The following SPATA31H1 variants were observed in gnomAD, a reference collection of about 807,000 sequenced individuals.
SPATA31H1 encodes SPATA31 subfamily H member 1.
chr2:27,578,727 T>C, the SPATA31H1 span: 4 of 1,614,016 alleles, frequency 2.5e-6, no homozygotes, highest in Non-Finnish European at 3.4e-6. Flanking sequence ...GAAGTTAACA[T>C]CAGAAGAGTT....
chr2:27,555,697 C>T, the SPATA31H1 span, among the ~76,000 whole-genome samples: 7 of 151,910 alleles, frequency 4.6e-5, no homozygotes, highest in African/African-American at 7.3e-5. Context: ...AAAAAAATAT[C>T]TAGGTAGGCA....
At chr2:27,565,118 C>G in the SPATA31H1 span, among the ~76,000 whole-genome samples, 1 of 152,164 alleles carries the variant, frequency 6.6e-6, no homozygotes, top group East Asian at 1.9e-4. Context: ...GAATAATTCT[C>G]TTCCCTTCTC....
At chr2:27,571,740 C>A in the SPATA31H1 span, 1 of 398,322 alleles carries the variant, frequency 2.5e-6, no homozygotes, top group Non-Finnish European at 4.4e-6. Context: ...ATGTTTAAAG[C>A]TTCGAAGTTT....
chr2:27,570,783 C>G, the SPATA31H1 span: 7 of 398,808 alleles, frequency 1.8e-5, no homozygotes, highest in East Asian at 2.1e-4. Context: ...AGTACCAGAG[C>G]CACTGTTTCA....
the SPATA31H1 span, chr2:27,573,263 G>A: frequency 5.0e-6 from 2 of 397,434 alleles, no homozygotes; most frequent in East Asian, 7.1e-5. Context: ...GGAAAATTCT[G>A]GCGTCAACCT....
At chr2:27,579,543 T>C in the SPATA31H1 span, 1 of 1,614,166 alleles carries the variant, frequency 6.2e-7, no homozygotes, top group South Asian at 1.1e-5. Flanking sequence ...ACAGCAATAC[T>C]CTGGGACTAG....
At chr2:27,582,242 G>T in the SPATA31H1 span, 2 of 1,614,006 alleles carry the variant, frequency 1.2e-6, no homozygotes, top group African/African-American at 1.3e-5. Flanking sequence ...GTCCCTCCGG[G>T]ATGAGGCAAG....
chr2:27,552,363 T>A, the SPATA31H1 span, among the ~76,000 whole-genome samples: 5 of 151,836 alleles, frequency 3.3e-5, no homozygotes, highest in African/African-American at 4.9e-5. Flanking sequence ...TTTTCCTATC[T>A]AATGGTCTTG....
chr2:27,577,594 A>G, the SPATA31H1 span: 3 of 1,614,192 alleles, frequency 1.9e-6, no homozygotes, highest in Non-Finnish European at 1.7e-6. The surrounding 1 kb of genome is among the most constrained non-coding windows in gnomAD (Gnocchi z 4.5). Context: ...AAGTCATTAC[A>G]TCACGTCCCA....
the SPATA31H1 span, among the ~76,000 whole-genome samples, chr2:27,563,421 T>TCTTACTG: frequency 1.0e-5 from 1 of 99,062 alleles, no homozygotes; most frequent in Non-Finnish European, 1.9e-5. Flanking sequence ...TGAGACAGGG[T>TCTTACTG]CTTACTGTAT....
chr2:27,545,527 T>C, the SPATA31H1 span, among the ~76,000 whole-genome samples: 1 of 151,928 alleles, frequency 6.6e-6, no homozygotes, highest in Non-Finnish European at 1.5e-5. Context: ...CTGAGAATTC[T>C]AGTTGCTCCA....
At chr2:27,568,489 T>C in the SPATA31H1 span, 6 of 398,884 alleles carry the variant, frequency 1.5e-5, no homozygotes, top group Admixed American at 8.8e-5. Context: ...CCAGTGGCAC[T>C]ATTACAAGCC....
the SPATA31H1 span, chr2:27,581,694 A>G: frequency 6.2e-7 from 1 of 1,613,508 alleles, no homozygotes; most frequent in Non-Finnish European, 8.5e-7. Flanking sequence ...TCCCTCTGAG[A>G]GAAGACATCA....
the SPATA31H1 span, chr2:27,566,700 C>A: frequency 1.7e-6 from 1 of 572,164 alleles, no homozygotes; most frequent in South Asian, 2.6e-5. Context: ...TTTCCTATTT[C>A]AATGCAAACT....
At chr2:27,548,919 A>G in the SPATA31H1 span, among the ~76,000 whole-genome samples, 1 of 151,062 alleles carries the variant, frequency 6.6e-6, no homozygotes, top group African/African-American at 2.4e-5. Context: ...CTAAAAATAC[A>G]AAAAATTTGC....
the SPATA31H1 span, among the ~76,000 whole-genome samples, chr2:27,555,739 ATTCTATTGTT>A: frequency 2.0e-5 from 3 of 152,108 alleles, no homozygotes; most frequent in South Asian, 6.2e-4. Context: ...AAAAGATGTT[ATTCTATTGTT>A]TTCTGGCTTC....
the SPATA31H1 span, chr2:27,565,287 C>G: frequency 1.4e-5 from 10 of 712,152 alleles, no homozygotes; most frequent in Middle Eastern, 2.3e-4. Flanking sequence ...AATAAAGTCT[C>G]TAACCTAGAA....
the SPATA31H1 span, chr2:27,579,636 G>T: frequency 1.2e-6 from 2 of 1,614,112 alleles, no homozygotes; most frequent in Admixed American, 1.7e-5. Flanking sequence ...ATGTGCAGGG[G>T]GCCAGCTTCC....
At chr2:27,579,772 TCAA>T in the SPATA31H1 span, 1 of 1,614,186 alleles carries the variant, frequency 6.2e-7, no homozygotes, top group Admixed American at 1.7e-5. Flanking sequence ...CAACACTCCC[TCAA>T]GCCAAATTAT....
Sources: allele counts gnomAD v4.1 joint callset (sites outside exome capture counted in the v4.1 genomes callset), GRCh38; gene constraint gnomAD v4.1.1; non-coding constraint Gnocchi (gnomAD v3.1); transcripts MANE v1.5; gene names NCBI Gene and HGNC (gene_info 2026-07-23, HGNC 2026-07-21).